Variants in PPP1R1C observed in about 807,000 individuals in gnomAD.
PPP1R1C encodes the protein protein phosphatase 1 regulatory inhibitor subunit 1C.
A neutral mutation model predicts 17.4 loss-of-function variants in PPP1R1C; 15 were observed. That is an observed-to-expected ratio of 0.86 (90% CI 0.58 to 1.33). The LOEUF (loss-of-function observed/expected upper bound fraction) is 1.33, where lower values mean the gene tolerates loss of function less well. Among genes scored for constraint, PPP1R1C ranks in the 40% most tolerant of loss-of-function variants. The pLI, the probability that PPP1R1C is intolerant of heterozygous loss-of-function variation, is 0.00. For synonymous variants in PPP1R1C, 35 were observed against 43.1 expected (o/e 0.81, Z 0.73); for missense variants, 143 against 130.0 (o/e 1.10, Z -0.48).
intron 2 of PPP1R1C, among the ~76,000 whole-genome samples, chr2:182,025,797 A>T (rs1278235236): frequency 6.9e-6 from 1 of 144,794 alleles, no homozygotes; most frequent in African/African-American, 2.7e-5. Context: ...GACTTCCACA[A>T]TGGTTGAACT....
chr2:182,100,455 A>G (rs950454064), intron 4 of PPP1R1C, among the ~76,000 whole-genome samples: 1 of 151,448 alleles, frequency 6.6e-6, no homozygotes, highest in African/African-American at 2.4e-5. Context: ...GGTTGCAGTG[A>G]GCCGAGATCT....
Position 181,961,312 on chromosome 2 carries a change from T to C in PPP1R1C, n.111+6678T>C, listed in dbSNP as rs1684779325. The C allele has an allele frequency of 5.5e-6, 4 of 733,564 alleles. No homozygotes were observed. The highest frequency in any genetic ancestry group is 1.7e-5 in the African/African-American group (1 of 58,650). 45.4% of individuals were successfully genotyped at this position (733,564 alleles called of 1,614,324 possible). On this transcript the variant is annotated intron_variant and non_coding_transcript_variant, in intron 1 of 5. Transcript: ENST00000464264. This position sits in a 1 kb window ranked among gnomAD's most constrained non-coding sequence, Gnocchi z 5.8. ...GCTGTTGTCCAGGGCATCACCAAGATTGAAGTCATCATCATCAAGCAGGCG... is the reference window on the plus strand; with the variant it reads ...GCTGTTGTCCAGGGCATCACCAAGACTGAAGTCATCATCATCAAGCAGGCG...
intron 4 of PPP1R1C, among the ~76,000 whole-genome samples, chr2:182,067,852 T>A (rs1326473901): frequency 6.6e-6 from 1 of 152,098 alleles, no homozygotes. Flanking sequence ...AAACAGAGTT[T>A]ATTAGTTTCG....
chr2:181,980,636 ATGGACTT>A (rs1685175116), intron 2 of PPP1R1C, among the ~76,000 whole-genome samples: 1 of 152,214 alleles, frequency 6.6e-6, no homozygotes, highest in South Asian at 2.1e-4. Flanking sequence ...CATGGCTAAT[ATGGACTT>A]GCTACAAACT....
intron 4 of PPP1R1C, 101 bp downstream of exon 4, chr2:182,063,892 G>C: frequency 1.1e-6 from 1 of 874,022 alleles, no homozygotes; most frequent in Non-Finnish European, 2.0e-6. Context: ...GCTAGATCTA[G>C]TCTCAGCTCT....
chr2:182,004,650 C>T (rs1358632480), intron 2 of PPP1R1C, among the ~76,000 whole-genome samples: 1 of 152,200 alleles, frequency 6.6e-6, no homozygotes, highest in Non-Finnish European at 1.5e-5. Context: ...TGGCAGGTGC[C>T]ATGTTGGCAG....
rs1016482338 is a variant in PPP1R1C at position 181,976,862 on chromosome 2, G to C, written n.157+1598G>C. On this transcript the variant is annotated intron_variant and non_coding_transcript_variant, in intron 2 of 5. Coordinates refer to the PPP1R1C transcript ENST00000464264. This position sits in a 1 kb window ranked among gnomAD's most constrained non-coding sequence, Gnocchi z 4.8. The stretch of plus-strand genomic sequence containing the variant: ...AGAACTTGCCTAAATTATGGGCCAG[G>C]CACAATGGCTTATGCCTGTAATCCC... Among the ~76,000 whole-genome samples the C allele has an allele frequency of 3.9e-5, 6 of 151,998 alleles. No homozygotes were observed. Among genetic ancestry groups the C allele is most frequent in the Non-Finnish European group, 5.9e-5 (4 of 68,012 alleles).
At chr2:182,019,992 G>C (rs1243807277) in intron 2 of PPP1R1C, among the ~76,000 whole-genome samples, 1 of 152,190 alleles carries the variant, frequency 6.6e-6, no homozygotes, top group Non-Finnish European at 1.5e-5. Context: ...TAAGAAATCA[G>C]TTCCCTGAAA....
intron 4 of PPP1R1C, among the ~76,000 whole-genome samples, chr2:182,079,391 G>A (rs777389707): frequency 4.6e-5 from 7 of 152,152 alleles, no homozygotes; most frequent in Admixed American, 2.0e-4. Flanking sequence ...GTAATGCTGC[G>A]CTGTGTCTTG....
chr2:182,035,083 T>C (rs1686962048), intron 2 of PPP1R1C, among the ~76,000 whole-genome samples: 1 of 152,210 alleles, frequency 6.6e-6, no homozygotes, highest in African/African-American at 2.4e-5. Flanking sequence ...TGTGAGGGAA[T>C]GGGAAGTGAC....
intron 2 of PPP1R1C, among the ~76,000 whole-genome samples, chr2:182,024,249 G>A (rs1686521736): frequency 6.6e-6 from 1 of 152,160 alleles, no homozygotes; most frequent in South Asian, 2.1e-4. Context: ...ATTTGTGAGT[G>A]TATATCAATC....
chr2:182,117,666 A>G lies in PPP1R1C; in HGVS notation c.*371A>G, dbSNP rs955120520. Reference sequence around the variant, plus strand: ...AATAACATCACTTTAAGAGTAAAAAATAAATAGTAAACACATTTAGACATG... The same window carrying G: ...AATAACATCACTTTAAGAGTAAAAAGTAAATAGTAAACACATTTAGACATG... On this transcript the variant is annotated 3_prime_UTR_variant, in exon 5 of 5. Coordinates refer to ENST00000682840, the MANE Select transcript of PPP1R1C (RefSeq NM_001080545.3). 7 of 170,332 alleles carry G rather than the reference A, an allele frequency of 4.1e-5. No individual in the cohort carries two copies. The highest frequency in any genetic ancestry group is 7.4e-5 in the Non-Finnish European group (6 of 81,276). The allele number at this position is 170,332 out of a possible 1,614,324, so 10.6% of individuals were successfully genotyped here. A position where few individuals can be genotyped will look rare whatever the true frequency, so the allele number is the denominator to read the frequency against.
chr2:182,125,795 T>TTA (rs1299396851), intron 5 of PPP1R1C, among the ~76,000 whole-genome samples: 5 of 152,194 alleles, frequency 3.3e-5, no homozygotes, highest in African/African-American at 1.2e-4. Flanking sequence ...CTTTTCTTCC[T>TTA]TATTAGTCTG....
intron 2 of PPP1R1C, among the ~76,000 whole-genome samples, chr2:181,990,608 T>G (rs543157347): frequency 3.3e-4 from 51 of 152,360 alleles, no homozygotes; most frequent in African/African-American, 1.2e-3. Flanking sequence ...GAATACAATA[T>G]TTGCATGTGA....
At chr2:182,101,514 C>T (rs1377001408) in intron 4 of PPP1R1C, among the ~76,000 whole-genome samples, 3 of 152,136 alleles carry the variant, frequency 2.0e-5, no homozygotes, top group Non-Finnish European at 4.4e-5. Context: ...TGAAAGGGAA[C>T]TCTGCTGGGA....
chr2:182,082,789 T>C (rs1482719421), intron 4 of PPP1R1C, among the ~76,000 whole-genome samples: 1 of 152,218 alleles, frequency 6.6e-6, no homozygotes, highest in Non-Finnish European at 1.5e-5. Context: ...CATCCTTTCC[T>C]GTGTTGCCCC....
chr2:182,076,361 A>AT (rs112297364), intron 4 of PPP1R1C, among the ~76,000 whole-genome samples: 393 of 142,504 alleles, frequency 2.8e-3, no homozygotes, highest in African/African-American at 7.4e-3. Context: ...CGCCCGACTA[A>AT]TTTTTTTTTT....
upstream of PPP1R1C, among the ~76,000 whole-genome samples, chr2:181,982,705 G>A (rs1282527123): frequency 2.0e-5 from 3 of 152,102 alleles, no homozygotes; most frequent in South Asian, 2.1e-4. Context: ...GGTAGGGGAG[G>A]CCACAGAAAG....
intron 4 of PPP1R1C, among the ~76,000 whole-genome samples, chr2:182,085,819 A>C (rs2125216906): frequency 6.6e-6 from 1 of 152,296 alleles, no homozygotes. Flanking sequence ...AGCAGGGAAC[A>C]GATAGGAAAG....
Sources: gnomAD v4.1 joint callset for allele counts (sites outside exome capture counted in the v4.1 genomes callset) on GRCh38, gnomAD v4.1.1 for gene constraint, Gnocchi (gnomAD v3.1) non-coding constraint, MANE v1.5 for transcripts, NCBI Gene and HGNC (gene_info 2026-07-23, HGNC 2026-07-21) for gene names.